Variants in SLIT2 observed in about 807,000 individuals in gnomAD.
SLIT2 encodes slit guidance ligand 2, also known as slit homolog 2 protein.
SLIT2 carries 41 observed loss-of-function variants against 185.7 expected under a neutral mutation model. The ratio of observed to expected loss-of-function variants is 0.22; its 90% CI spans 0.17 to 0.29. The LOEUF (loss-of-function observed/expected upper bound fraction) is 0.29, where lower values mean the gene tolerates loss of function less well. Among genes scored for constraint, SLIT2 ranks in the 10% least tolerant of loss-of-function variants. The probability of loss-of-function intolerance (pLI) is 1.00; values close to 1 mark genes in which losing one functional copy is unlikely to be tolerated. For synonymous variants in SLIT2, 693 were observed against 680.2 expected, an observed-to-expected ratio of 1.02 and a Z score of -0.29; for missense variants, 1,571 against 1,909.0, an observed-to-expected ratio of 0.82 and a Z score of 3.30.
chr4:20,330,810 TTACAGAGTTAGAAAAA>T (rs200590909), intron 4 of SLIT2, among the ~76,000 whole-genome samples: 1,957 of 152,172 alleles, frequency 0.013, 17 homozygotes, highest in Middle Eastern at 0.024. Context: ...AGTCATGGTC[TTACAGAGTTAGAAAAA>T]TCTTGCAGAT....
At chr4:20,511,634 T>C (rs1719764050) in intron 11 of SLIT2, among the ~76,000 whole-genome samples, 1 of 141,032 alleles carries the variant, frequency 7.1e-6, no homozygotes, top group Non-Finnish European at 1.5e-5. Context: ...TTCACAATGT[T>C]AGCCAGGATG....
intron 4 of SLIT2, among the ~76,000 whole-genome samples, chr4:20,455,240 A>T (rs1712935531): frequency 6.6e-6 from 1 of 152,144 alleles, no homozygotes; most frequent in Non-Finnish European, 1.5e-5. Context: ...TGTATCATGC[A>T]TTGCAGAGCT....
Position 20,253,950 on chromosome 4 carries a change from G to A in SLIT2, c.135G>A (p.Ala45=). Residue 45 remains alanine, a synonymous_variant, in exon 1 of 37, where the codon GCG becomes GCA. Transcript: ENST00000504154. The part of the protein sequence containing the change: ...SGSTVDCHGL[A]LRSVPRNIPR... ...GCACAGTGGACTGTCACGGGCTGGC[G>A]CTGCGCAGCGTGCCCAGGAATATCC... is the stretch of plus-strand genomic sequence containing the variant. 4.4e-6 allele frequency: 7 copies of A among 1,603,018 alleles called. No individual in the cohort carries two copies. Among genetic ancestry groups the A allele is most frequent in the Non-Finnish European group, 5.9e-6 (7 of 1,179,890 alleles).
chr4:20,443,896 G>C (rs995902654), intron 4 of SLIT2, among the ~76,000 whole-genome samples: 5 of 152,184 alleles, frequency 3.3e-5, no homozygotes, highest in Non-Finnish European at 7.3e-5. Flanking sequence ...AGAGATTCAA[G>C]GAGGAGAAAG....
intron 3 of SLIT2, among the ~76,000 whole-genome samples, chr4:20,260,006 C>T (rs79595751): frequency 0.014 from 2,097 of 151,900 alleles, 25 homozygotes; most frequent in Non-Finnish European, 0.021. Flanking sequence ...ATTGTGGATA[C>T]ACTTTTCAAA....
At chr4:20,467,713 A>T (rs777081554) in intron 4 of SLIT2, 39 bp from the exon 5 acceptor site, 1 of 1,243,906 alleles carries the variant, frequency 8.0e-7, no homozygotes, top group East Asian at 2.4e-5. Context: ...TTTAAATAAT[A>T]TTTTCTAACG....
chr4:20,463,485 A>ATG (rs1352510468), intron 4 of SLIT2, among the ~76,000 whole-genome samples: 37 of 92,790 alleles, frequency 4.0e-4, no homozygotes, highest in African/African-American at 1.7e-3. Flanking sequence ...ATATATATAT[A>ATG]TATATATGTG....
intron 4 of SLIT2, among the ~76,000 whole-genome samples, chr4:20,366,387 A>G (rs1182494113): frequency 1.3e-5 from 2 of 152,166 alleles, no homozygotes; most frequent in Non-Finnish European, 2.9e-5. Context: ...TCTGGAAGGA[A>G]TATGATTAGC....
intron 36 of SLIT2, 23 bp downstream of exon 36, chr4:20,617,673 C>G (rs1172349857): frequency 1.9e-6 from 3 of 1,578,404 alleles, no homozygotes; most frequent in Non-Finnish European, 1.7e-6. Context: ...CACTGGGCAC[C>G]TCATTCTCTT....
intron 22 of SLIT2, 151 bp from the exon 23 acceptor site, chr4:20,548,337 C>T (rs1177678703): frequency 1.2e-5 from 7 of 583,944 alleles, no homozygotes; most frequent in Admixed American, 9.3e-5. Context: ...CAATCTACTC[C>T]AGTGGGTCGT....
At chr4:20,469,670 CTG>C (rs1207256976) in intron 5 of SLIT2, among the ~76,000 whole-genome samples, 1 of 151,036 alleles carries the variant, frequency 6.6e-6, no homozygotes, top group Non-Finnish European at 1.5e-5. Flanking sequence ...GAGTTTAAGA[CTG>C]GAGTCTCAGA....
At chr4:20,440,245 A>G (rs1055176387) in intron 4 of SLIT2, among the ~76,000 whole-genome samples, 3 of 152,232 alleles carry the variant, frequency 2.0e-5, no homozygotes, top group African/African-American at 7.2e-5. Flanking sequence ...AGGGTTTCCA[A>G]ATACAAATGT....
chr4:20,520,812 T>G (rs1302132944), intron 12 of SLIT2, among the ~76,000 whole-genome samples: 1 of 152,196 alleles, frequency 6.6e-6, no homozygotes, highest in Non-Finnish European at 1.5e-5. Context: ...ATTTTCTCAG[T>G]GCTACATAAC....
chr4:20,396,218 A>G (rs1413592538), intron 4 of SLIT2, among the ~76,000 whole-genome samples: 2 of 151,992 alleles, frequency 1.3e-5, no homozygotes, highest in Non-Finnish European at 2.9e-5. Context: ...GTGTGTATGT[A>G]TTTAACAAAC....
intron 4 of SLIT2, among the ~76,000 whole-genome samples, chr4:20,429,051 G>A (rs776751957): frequency 2.0e-5 from 3 of 152,158 alleles, no homozygotes; most frequent in African/African-American, 7.2e-5. Flanking sequence ...CGTCCTCTAT[G>A]GCACAGATGG....
chr4:20,538,680 A>T (rs16869731), intron 18 of SLIT2, among the ~76,000 whole-genome samples: 43,746 of 151,800 alleles, frequency 0.29, 6,605 homozygotes, highest in Middle Eastern at 0.42. Flanking sequence ...TCAGTTTTTA[A>T]GCCAGACAAA....
intron 4 of SLIT2, among the ~76,000 whole-genome samples, chr4:20,373,953 A>T (rs1363392300): frequency 6.6e-6 from 1 of 152,086 alleles, no homozygotes; most frequent in African/African-American, 2.4e-5. Flanking sequence ...GTAGTAGCAG[A>T]ACCTGGTGAT....
chr4:20,349,956 C>T (rs980890914), intron 4 of SLIT2, among the ~76,000 whole-genome samples: 3 of 152,186 alleles, frequency 2.0e-5, no homozygotes, highest in Non-Finnish European at 4.4e-5. Flanking sequence ...TGATCTGAAT[C>T]TGTATAAGTA....
At chr4:20,522,984 A>C (rs1343099811) in intron 12 of SLIT2, among the ~76,000 whole-genome samples, 1 of 152,148 alleles carries the variant, frequency 6.6e-6, no homozygotes, top group Admixed American at 6.5e-5. Flanking sequence ...AGAAAATAGA[A>C]ATAGATCAAA....
Sources: allele counts gnomAD v4.1 joint callset (sites outside exome capture counted in the v4.1 genomes callset), GRCh38; gene constraint gnomAD v4.1.1; transcripts MANE v1.5; gene names NCBI Gene and HGNC (gene_info 2026-07-23, HGNC 2026-07-21).